The following POU2F1 variants were observed in gnomAD, a reference collection of about 807,000 sequenced individuals.
POU2F1 encodes the protein POU class 2 homeobox 1.
Under a neutral mutation model 84.9 loss-of-function variants are expected in POU2F1, and 16 were observed. The observed-to-expected ratio is 0.19, with a 90% CI of 0.13 to 0.29. The LOEUF (loss-of-function observed/expected upper bound fraction) is 0.29. Ranked by LOEUF, POU2F1 falls within the 10% of genes least tolerant of loss-of-function variation. The probability of loss-of-function intolerance (pLI) is 1.00; values close to 1 mark genes in which losing one functional copy is unlikely to be tolerated. For missense variants in POU2F1, 738 were observed against 942.6 expected (o/e 0.78, Z 2.84); for synonymous variants, 368 against 368.3 (o/e 1.00, Z 0.01).
intron 1 of POU2F1, among the ~76,000 whole-genome samples, chr1:167,304,051 A>G (rs927692268): frequency 6.6e-6 from 1 of 152,182 alleles, no homozygotes; most frequent in African/African-American, 2.4e-5. Flanking sequence ...TGCGAAAGAA[A>G]TTCAGCTAGC....
chr1:167,222,305 T>G (rs1028534938), intron 1 of POU2F1, among the ~76,000 whole-genome samples: 1 of 152,220 alleles, frequency 6.6e-6, no homozygotes, highest in Admixed American at 6.5e-5. Flanking sequence ...TCTGCTTAGC[T>G]GAACCTCTTC....
At position 167,383,860 on chromosome 1, in the gene POU2F1, T is replaced by A; in HGVS notation, c.722T>A (p.Leu241His). 1 of 1,612,910 alleles carries A rather than the reference T, an allele frequency of 6.2e-7. No individual in the cohort carries two copies. Among genetic ancestry groups the A allele is most frequent in the Non-Finnish European group, 8.5e-7 (1 of 1,179,260 alleles). Residue 241 changes from leucine (L) to histidine (H), a missense_variant, in exon 8 of 16, where the codon CTC (leucine) becomes CAC (histidine). Leu to His is a moderately conservative substitution (Grantham distance 99, BLOSUM62 -3). Around this residue, in one of 4 missense-constraint regions of POU2F1, gnomAD observed 163 missense variants for 214.4 expected, o/e 0.76. Coordinates refer to ENST00000367866, the MANE Select transcript of POU2F1 (RefSeq NM_002697.4). Reference protein sequence around the residue: ...ISQTPQGQQGLLQAQNLLTQL... With the variant: ...ISQTPQGQQGHLQAQNLLTQL... ...ATAACATGTTTTTCTTCTACAGGTC[T>A]CCTGCAAGCGCAAAATCTTCTAACG... is the stretch of plus-strand genomic sequence containing the variant.
rs868206271 is a variant in POU2F1 at position 167,378,298 on chromosome 1, C to T, written c.718+2143C>T. On this transcript the variant is annotated intron_variant, in intron 7 of 15. Coordinates refer to ENST00000367866, the MANE Select transcript of POU2F1 (RefSeq NM_002697.4). The stretch of plus-strand genomic sequence containing the variant: ...TTGCCCAGGCTGGAGTGCAATGGCA[C>T]GATCTCGGCCCACCGCAACCTCCGC... Among the ~76,000 whole-genome samples the T allele has an allele frequency of 7.7e-4, 118 of 152,264 alleles. 1 individual carries two copies. The highest frequency in any genetic ancestry group is 2.8e-3 in the African/African-American group (117 of 41,560).
chr1:167,395,300 G>A (rs1027063616), intron 9 of POU2F1, among the ~76,000 whole-genome samples: 1 of 152,106 alleles, frequency 6.6e-6, no homozygotes, highest in Non-Finnish European at 1.5e-5. Context: ...TGCCCATGAA[G>A]GTTTGACTAA....
intron 1 of POU2F1, among the ~76,000 whole-genome samples, chr1:167,257,074 A>C (rs1031167423): frequency 6.6e-6 from 1 of 152,204 alleles, no homozygotes; most frequent in South Asian, 2.1e-4. Context: ...GTTGGCGATA[A>C]GATTGTTATT....
chr1:167,272,915 A>G (rs1252936879), intron 1 of POU2F1, among the ~76,000 whole-genome samples: 1 of 152,110 alleles, frequency 6.6e-6, no homozygotes, highest in African/African-American at 2.4e-5. Context: ...CCACAATCCA[A>G]AGTCTTATCT....
intron 1 of POU2F1, among the ~76,000 whole-genome samples, chr1:167,275,680 T>A (rs1174724102): frequency 1.3e-5 from 2 of 152,316 alleles, no homozygotes; most frequent in East Asian, 1.9e-4. Flanking sequence ...ATTCTATGCT[T>A]ACTATCACCC....
intron 8 of POU2F1, among the ~76,000 whole-genome samples, chr1:167,384,290 T>C (rs1557946027): frequency 6.6e-6 from 1 of 152,186 alleles, no homozygotes. Context: ...AATCCATTGT[T>C]ACCCTTTACC....
At chr1:167,348,973 G>A (rs915599944) in intron 2 of POU2F1, among the ~76,000 whole-genome samples, 4 of 151,956 alleles carry the variant, frequency 2.6e-5, no homozygotes, top group African/African-American at 7.2e-5. Context: ...AATAGTGCTT[G>A]TCTTTTGTAT....
chr1:167,421,363 A>C lies in POU2F1; in HGVS notation c.*5553A>C, dbSNP rs913886669. On this transcript the variant is annotated 3_prime_UTR_variant, in exon 16 of 16. Transcript: ENST00000367866. ...TCCATTTCTTAGTCCAAGGAGATTAAATATAAATAGGACACCCCTGAGATT... is the reference window on the plus strand; with the variant it reads ...TCCATTTCTTAGTCCAAGGAGATTACATATAAATAGGACACCCCTGAGATT... 1 of 152,232 alleles carries C rather than the reference A, an allele frequency of 6.6e-6. No individual in the cohort carries two copies. Among genetic ancestry groups the C allele is most frequent in the East Asian group, 1.9e-4 (1 of 5,198 alleles). The allele number at this position is 152,232 out of a possible 1,614,324, so 9.4% of individuals were successfully genotyped here.
At chr1:167,305,770 G>T (rs1387442154) in intron 1 of POU2F1, among the ~76,000 whole-genome samples, 2 of 152,146 alleles carry the variant, frequency 1.3e-5, no homozygotes, top group African/African-American at 4.8e-5. Context: ...TAAAGATAAT[G>T]TGAAATTTAT....
intron 1 of POU2F1, among the ~76,000 whole-genome samples, chr1:167,284,061 G>A (rs1653352216): frequency 6.6e-6 from 1 of 152,092 alleles, no homozygotes; most frequent in Admixed American, 6.5e-5. Flanking sequence ...TTTGACCAAA[G>A]CAATTTACCC....
intron 1 of POU2F1, among the ~76,000 whole-genome samples, chr1:167,275,650 G>GA (rs984437386): frequency 2.0e-5 from 3 of 151,492 alleles, no homozygotes; most frequent in Non-Finnish European, 4.4e-5. Context: ...TTAGGGCAAG[G>GA]AAAAAAAAGA....
At chr1:167,350,105 A>G (rs963009794) in intron 2 of POU2F1, among the ~76,000 whole-genome samples, 7 of 152,228 alleles carry the variant, frequency 4.6e-5, no homozygotes, top group African/African-American at 1.7e-4. Flanking sequence ...AAAAGATTAC[A>G]TACACATCAA....
At chr1:167,408,888 T>C (rs1385536866) in intron 13 of POU2F1, among the ~76,000 whole-genome samples, 1 of 152,246 alleles carries the variant, frequency 6.6e-6, no homozygotes, top group African/African-American at 2.4e-5. Flanking sequence ...CATTTAAAAA[T>C]CTAAGTTGTT....
intron 15 of POU2F1, among the ~76,000 whole-genome samples, chr1:167,413,343 G>A (rs1194012597): frequency 6.6e-6 from 1 of 152,168 alleles, no homozygotes; most frequent in African/African-American, 2.4e-5. Context: ...AGTAAAAGCA[G>A]GAAATATACT....
At chr1:167,396,219 G>A in intron 9 of POU2F1, 67 bp from the exon 10 acceptor site, 1 of 1,564,854 alleles carries the variant, frequency 6.4e-7, no homozygotes, top group Non-Finnish European at 8.7e-7. Flanking sequence ...CCAGAGTGAA[G>A]GCTTTAAGCA....
chr1:167,278,561 A>G (rs982414078), intron 1 of POU2F1, among the ~76,000 whole-genome samples: 10 of 152,228 alleles, frequency 6.6e-5, no homozygotes, highest in African/African-American at 2.4e-4. Flanking sequence ...AACGATGAAG[A>G]TAATGTTACA....
intron 8 of POU2F1, among the ~76,000 whole-genome samples, chr1:167,388,936 T>G (rs1009346210): frequency 5.9e-5 from 9 of 152,308 alleles, no homozygotes; most frequent in African/African-American, 1.9e-4. Context: ...TTTTTATTTT[T>G]TAGAGACAGT....
Sources: allele counts gnomAD v4.1 joint callset (sites outside exome capture counted in the v4.1 genomes callset), GRCh38; gene constraint gnomAD v4.1.1; regional missense constraint gnomAD v4.1.1; transcripts MANE v1.5; gene names NCBI Gene and HGNC (gene_info 2026-07-23, HGNC 2026-07-21).